The following GNG7 variants were observed in gnomAD, a reference collection of about 807,000 sequenced individuals.
GNG7 encodes guanine nucleotide-binding protein G(I)/G(S)/G(O) subunit gamma-7.
GNG7 carries 1 observed loss-of-function variant against 4.0 expected under a neutral mutation model. The ratio of observed to expected loss-of-function variants is 0.25; its 90% CI spans 0.09 to 1.18. GNG7 has a LOEUF of 1.18. Ranked by LOEUF, GNG7 falls within the 50% of genes most tolerant of loss-of-function variation. The pLI, the probability that GNG7 is intolerant of heterozygous loss-of-function variation, is 0.50. For synonymous variants in GNG7, 34 were observed against 36.9 expected (o/e 0.92, Z 0.29); for missense variants, 86 against 91.9 (o/e 0.94, Z 0.26).
intron 3 of GNG7, among the ~76,000 whole-genome samples, chr19:2,550,034 C>A (rs1157440590): frequency 2.0e-5 from 3 of 152,222 alleles, no homozygotes; most frequent in Admixed American, 6.5e-5. Context: ...AGTGCCGAGG[C>A]CTCTTTCCGC....
At chr19:2,644,112 C>T (rs2144858485) in intron 2 of GNG7, among the ~76,000 whole-genome samples, 1 of 151,918 alleles carries the variant, frequency 6.6e-6, no homozygotes, top group Non-Finnish European at 1.5e-5. Flanking sequence ...CCTCCGTCTC[C>T]CGCGTTCAAG....
At position 2,611,353 on chromosome 19, in the gene GNG7, T is replaced by TGGAGCCAGGACA. The variant is rs1981558146; in HGVS notation, c.-78+34870_-78+34871insTGTCCTGGCTCC. ...GAGCCAGGACAGGTCTCCCGGGAGC[T>TGGAGCCAGGACA]GGTCTGTGCTGCCACCTGCTGGTCA... On this transcript the variant is annotated intron_variant, in intron 2 of 4. Transcript: ENST00000382159. The surrounding 1 kb of genome is among the most constrained non-coding windows in gnomAD (Gnocchi z 6.0). 1.3e-5 allele frequency: 2 copies of TGGAGCCAGGACA among 152,238 alleles called. No homozygotes were observed. The highest frequency in any genetic ancestry group is 2.9e-5 in the Non-Finnish European group (2 of 68,122). 9.4% of individuals were successfully genotyped at this position (152,238 alleles called of 1,614,324 possible).
rs192487893 is a variant in GNG7, at chr19:2,617,372, C to G, written c.-78+28852G>C. Among the ~76,000 whole-genome samples, 1 of 152,244 alleles carries G rather than the reference C, an allele frequency of 6.6e-6. No homozygotes were observed. Among genetic ancestry groups the G allele is most frequent in the African/African-American group, 2.4e-5 (1 of 41,466 alleles). On this transcript the variant is annotated intron_variant, in intron 2 of 4. Coordinates refer to ENST00000382159, the MANE Select transcript of GNG7 (RefSeq NM_052847.3). This position sits in a 1 kb window ranked among gnomAD's most constrained non-coding sequence, Gnocchi z 4.7. ...CTGAGCCCGGCCCAGCCCTGCAGCT[C>G]TGACCCTGCCTTGGGCTGTGAGCTC...
At chr19:2,595,648 T>C (rs1275317362) in intron 2 of GNG7, among the ~76,000 whole-genome samples, 3 of 148,672 alleles carry the variant, frequency 2.0e-5, no homozygotes, top group Admixed American at 6.8e-5. Flanking sequence ...GGCAGGAGAA[T>C]GGCGTGAACC....
chr19:2,525,445 A>G (rs1306644194), intron 3 of GNG7, among the ~76,000 whole-genome samples: 1 of 151,816 alleles, frequency 6.6e-6, no homozygotes, highest in Non-Finnish European at 1.5e-5. Flanking sequence ...CGCCTCGTGC[A>G]GAAAAATCCC....
chr19:2,584,287 T>TAAAAAAA lies in GNG7; in HGVS notation c.-77-29106_-77-29100dup, dbSNP rs71337152. On this transcript the variant is annotated intron_variant, in intron 2 of 4. Coordinates refer to ENST00000382159, the MANE Select transcript of GNG7 (RefSeq NM_052847.3). ...GGGAGACCCTATCTCCGCAAAGAAT[T>TAAAAAAA]AAAAAAAAAAAAAAAAAGCGATGGC... is the stretch of plus-strand genomic sequence containing the variant. Among the ~76,000 whole-genome samples the TAAAAAAA allele has an allele frequency of 8.4e-5, 9 of 107,486 alleles. 1 individual carries two copies. Among genetic ancestry groups the TAAAAAAA allele is most frequent in the East Asian group, 3.0e-4 (1 of 3,362 alleles). 70.5% of individuals were successfully genotyped at this position (107,486 alleles called of 152,430 possible).
chr19:2,519,781 C>T (rs149932121), intron 4 of GNG7, among the ~76,000 whole-genome samples: 3 of 152,174 alleles, frequency 2.0e-5, no homozygotes, highest in African/African-American at 7.2e-5. Context: ...GCTGCAGCAC[C>T]AACTCTTCCC....
intron 1 of GNG7, among the ~76,000 whole-genome samples, chr19:2,696,312 A>AAGAT (rs1481914256): frequency 5.3e-4 from 76 of 143,796 alleles, no homozygotes; most frequent in Non-Finnish European, 1.0e-3. Flanking sequence ...GAAAGAAAGA[A>AAGAT]AGAAAGAAAG....
At position 2,517,749 on chromosome 19, in the gene GNG7, C is replaced by T. The variant is rs1167854396; in HGVS notation, c.82-2602G>A. 5.9e-5 allele frequency among the ~76,000 whole-genome samples: 9 copies of T among 152,220 alleles called. No homozygotes were observed. The South Asian group carries it at 1.2e-3, about 21-fold the overall frequency. On this transcript the variant is annotated intron_variant, in intron 4 of 4. Coordinates refer to ENST00000382159, the MANE Select transcript of GNG7 (RefSeq NM_052847.3). ...CTGGTCTCGAACTCCTAGGCTCAGG[C>T]GACCCTCCCGCCTAGACCTCTGAAA...
At chr19:2,584,287 T>TAA (rs71337152) in intron 2 of GNG7, among the ~76,000 whole-genome samples, 5,893 of 107,392 alleles carry the variant, frequency 0.055, 374 homozygotes, top group African/African-American at 0.15. Context: ...CGCAAAGAAT[T>TAA]AAAAAAAAAA....
Position 2,618,596 on chromosome 19 carries a change from G to T in GNG7, c.-78+27628C>A, listed in dbSNP as rs59670894. Among the ~76,000 whole-genome samples, 5,947 of 151,732 alleles carry T rather than the reference G, an allele frequency of 0.039. 136 individuals are homozygous for T. The highest frequency in any genetic ancestry group is 0.088 in the Middle Eastern group (26 of 294). ...ACTCCTGACCTCAAATGATCCACCC[G>T]CCTCGGCCTCCCAAAGTGCTGGGAT... On this transcript the variant is annotated intron_variant, in intron 2 of 4. Transcript: ENST00000382159. The surrounding 1 kb of genome is among the most constrained non-coding windows in gnomAD (Gnocchi z 5.1).
chr19:2,601,588 C>T (rs374387401), intron 2 of GNG7, among the ~76,000 whole-genome samples: 1 of 152,054 alleles, frequency 6.6e-6, no homozygotes, highest in African/African-American at 2.4e-5. Context: ...GCAATGCAAT[C>T]CCCCGATGTC....
At chr19:2,676,839 T>G (rs1216579496) in intron 1 of GNG7, among the ~76,000 whole-genome samples, 1 of 152,020 alleles carries the variant, frequency 6.6e-6, no homozygotes, top group African/African-American at 2.4e-5. Context: ...GGTGCAAGAC[T>G]CAAAGAGATG....
intron 1 of GNG7, among the ~76,000 whole-genome samples, chr19:2,677,420 C>A (rs1983622180): frequency 6.6e-6 from 1 of 151,930 alleles, no homozygotes; most frequent in Admixed American, 6.6e-5. Flanking sequence ...CTGATCAGAA[C>A]CTTGCAGTGG....
intron 2 of GNG7, among the ~76,000 whole-genome samples, chr19:2,579,832 G>T (rs1334486451): frequency 6.6e-6 from 1 of 152,188 alleles, no homozygotes; most frequent in African/African-American, 2.4e-5. Flanking sequence ...GGGGGACTGG[G>T]AGGGGGTCTT....
At chr19:2,533,387 C>A (rs1978652287) in intron 3 of GNG7, among the ~76,000 whole-genome samples, 2 of 151,896 alleles carry the variant, frequency 1.3e-5, no homozygotes, top group African/African-American at 2.4e-5. Flanking sequence ...GAAATGAAAA[C>A]AGAGGTTGCT....
rs1462944175 is a variant in GNG7 at position 2,614,491 on chromosome 19, C to A, written c.-78+31733G>T. Among the ~76,000 whole-genome samples the A allele has an allele frequency of 6.6e-6, 1 of 152,136 alleles. No individual in the cohort carries two copies. The highest frequency in any genetic ancestry group is 1.5e-5 in the Non-Finnish European group (1 of 68,026). On this transcript the variant is annotated intron_variant, in intron 2 of 4. Coordinates refer to ENST00000382159, the MANE Select transcript of GNG7 (RefSeq NM_052847.3). The surrounding 1 kb of genome is among the most constrained non-coding windows in gnomAD (Gnocchi z 6.0). ...CTGGCACCCACACATCCCCTTCCTG[C>A]CTCTCTAGACTGGCCTGTCCTGGAC...
In GNG7 at chr19:2,653,854, AC is replaced by A. The variant is rs2144869373; in HGVS notation, c.-134-7575del. The stretch of plus-strand genomic sequence containing the variant: ...GGTGACTCACAGTCCCCTTGGCACC[AC>A]CCAGGCGCTGTCCCTGGCCTCGCCC... On this transcript the variant is annotated intron_variant, in intron 1 of 4. Coordinates refer to ENST00000382159, the MANE Select transcript of GNG7 (RefSeq NM_052847.3). This position sits in a 1 kb window ranked among gnomAD's most constrained non-coding sequence, Gnocchi z 4.8. Among the ~76,000 whole-genome samples the A allele has an allele frequency of 6.6e-6, 1 of 152,170 alleles. No homozygotes were observed. Among genetic ancestry groups the A allele is most frequent in the South Asian group, 2.1e-4 (1 of 4,818 alleles).
chr19:2,577,685 A>G (rs1281074695), intron 2 of GNG7, among the ~76,000 whole-genome samples: 2 of 128,538 alleles, frequency 1.6e-5, no homozygotes, highest in Non-Finnish European at 3.2e-5. Context: ...TGGGTGACAG[A>G]GCAAGATTCC....
Sources: gnomAD v4.1 joint callset for allele counts (sites outside exome capture counted in the v4.1 genomes callset) on GRCh38, gnomAD v4.1.1 for gene constraint, Gnocchi (gnomAD v3.1) non-coding constraint, MANE v1.5 for transcripts, NCBI Gene and HGNC (gene_info 2026-07-23, HGNC 2026-07-21) for gene names.